Variants in TTC39B observed in about 807,000 individuals in gnomAD.
TTC39B encodes tetratricopeptide repeat domain 39B.
Under a neutral mutation model 96.6 loss-of-function variants are expected in TTC39B, and 92 were observed. The observed-to-expected ratio is 0.95, with a 90% CI of 0.80 to 1.13. The LOEUF (loss-of-function observed/expected upper bound fraction) is 1.13, where lower values mean the gene tolerates loss of function less well. Among genes scored for constraint, TTC39B ranks in the 50% most tolerant of loss-of-function variants. The pLI is 0.00. For missense variants in TTC39B, 955 were observed against 809.3 expected (o/e 1.18, Z -2.18); for synonymous variants, 367 against 299.4 (o/e 1.23, Z -2.33).
chr9:15,209,436 A>C (rs1820061952), intron 6 of TTC39B, among the ~76,000 whole-genome samples: 1 of 152,240 alleles, frequency 6.6e-6, no homozygotes, highest in African/African-American at 2.4e-5. Flanking sequence ...AAAAGATATC[A>C]AAATTACTTT....
Position 15,209,645 on chromosome 9 carries a change from T to C in TTC39B, c.691+443A>G, listed in dbSNP as rs542225324. On this transcript the variant is annotated intron_variant, in intron 6 of 19. Coordinates refer to ENST00000512701, the Ensembl canonical transcript of TTC39B. ...ACTTTTTAAAATGCATGAATCCATATGTATAAGGATTCTAGGACACCATTA... is the reference window on the plus strand; with the variant it reads ...ACTTTTTAAAATGCATGAATCCATACGTATAAGGATTCTAGGACACCATTA... 2.0e-5 allele frequency among the ~76,000 whole-genome samples: 3 copies of C among 152,312 alleles called. No homozygotes were observed. The East Asian group carries it at 5.8e-4, about 29-fold the overall frequency.
chr9:15,216,250 C>A (rs1414376330), intron 3 of TTC39B, among the ~76,000 whole-genome samples: 2 of 152,286 alleles, frequency 1.3e-5, no homozygotes, highest in South Asian at 2.1e-4. Context: ...TTGTTTTAGT[C>A]ATTCCTGTGC....
rs112817207 is a variant in TTC39B, at chr9:15,190,477, T to C, written c.1105+77A>G. The C allele has an allele frequency of 5.2e-3, 6,832 of 1,317,838 alleles. 275 individuals carry two copies. The African/African-American group carries it at 0.086, about 17-fold the overall frequency. 81.6% of individuals were successfully genotyped at this position (1,317,838 alleles called of 1,614,324 possible). ...CCTCCCACCTCAGCCTCCCAAGTAG[T>C]TGGGATTACAGGTGTAACACACCAT... is the stretch of plus-strand genomic sequence containing the variant. On this transcript the variant is annotated intron_variant, in intron 11 of 19. Coordinates refer to ENST00000512701, the Ensembl canonical transcript of TTC39B.
intron 8 of TTC39B, among the ~76,000 whole-genome samples, chr9:15,195,604 A>G (rs1474389519): frequency 7.2e-6 from 1 of 139,800 alleles, no homozygotes; most frequent in Non-Finnish European, 1.5e-5. Context: ...TGGGAGACGC[A>G]GGTTGCAGTG....
intron 4 of TTC39B, among the ~76,000 whole-genome samples, chr9:15,213,330 G>A (rs530475730): frequency 2.0e-5 from 3 of 152,104 alleles, no homozygotes; most frequent in South Asian, 2.1e-4. Flanking sequence ...AGACTACAGG[G>A]CTTCATTATC....
intron 10 of TTC39B, 71 bp from the exon 11 acceptor site, chr9:15,190,733 T>C: frequency 1.6e-6 from 2 of 1,226,320 alleles, no homozygotes; most frequent in South Asian, 1.3e-5. Flanking sequence ...TTTTTAAACA[T>C]TTTTATATAT....
intron 2 of TTC39B, among the ~76,000 whole-genome samples, chr9:15,234,688 A>T (rs1821684214): frequency 6.6e-6 from 1 of 151,990 alleles, no homozygotes; most frequent in South Asian, 2.1e-4. Context: ...TGTACTAAGA[A>T]AAATTCTTCT....
intron 2 of TTC39B, among the ~76,000 whole-genome samples, chr9:15,263,241 T>C (rs969262256): frequency 1.3e-5 from 2 of 152,178 alleles, no homozygotes; most frequent in African/African-American, 4.8e-5. Flanking sequence ...CCCACACTCT[T>C]ACAAGGGAGA....
exon 20 of TTC39B, chr9:15,164,917 C>G (rs915481750): frequency 2.6e-5 from 4 of 152,100 alleles, no homozygotes; most frequent in African/African-American, 9.7e-5. Flanking sequence ...TAAATTTAAC[C>G]AACAGCCTAA....
At chr9:15,242,962 G>A (rs948539589) in intron 2 of TTC39B, among the ~76,000 whole-genome samples, 1 of 152,306 alleles carries the variant, frequency 6.6e-6, no homozygotes, top group Admixed American at 6.5e-5. Context: ...GAACCTGTGG[G>A]CCAACCAATG....
chr9:15,226,379 T>C (rs1586913807), intron 2 of TTC39B, among the ~76,000 whole-genome samples: 1 of 152,344 alleles, frequency 6.6e-6, no homozygotes, highest in East Asian at 1.9e-4. Flanking sequence ...TGGGTTATGG[T>C]ATACAGTATA....
At chr9:15,194,438 C>A (rs902551837) in intron 8 of TTC39B, among the ~76,000 whole-genome samples, 1 of 152,028 alleles carries the variant, frequency 6.6e-6, no homozygotes, top group Non-Finnish European at 1.5e-5. Flanking sequence ...TTTGAATTCC[C>A]AGGTAAGTAT....
At chr9:15,267,191 G>A (rs1212932272) in intron 2 of TTC39B, among the ~76,000 whole-genome samples, 1 of 152,212 alleles carries the variant, frequency 6.6e-6, no homozygotes, top group Non-Finnish European at 1.5e-5. Context: ...TCCCAACCAT[G>A]CTGGCACCCT....
At chr9:15,246,157 G>A (rs147629161) in intron 2 of TTC39B, among the ~76,000 whole-genome samples, 1 of 152,172 alleles carries the variant, frequency 6.6e-6, no homozygotes, top group Admixed American at 6.5e-5. Flanking sequence ...GGAGTCTGAG[G>A]CAGGAGAATT....
chr9:15,284,870 G>A (rs1030836383), intron 1 of TTC39B, among the ~76,000 whole-genome samples: 16 of 152,114 alleles, frequency 1.1e-4, no homozygotes, highest in Admixed American at 3.3e-4. Flanking sequence ...ATTAAAAAGG[G>A]TAAAGTATTA....
At chr9:15,258,959 T>G (rs1294787365) in intron 2 of TTC39B, among the ~76,000 whole-genome samples, 9 of 152,148 alleles carry the variant, frequency 5.9e-5, no homozygotes, top group African/African-American at 2.2e-4. Context: ...CCCTGTGAAT[T>G]TATATGAAGA....
rs536164802 is a variant in TTC39B at position 15,243,217 on chromosome 9, G to C, written c.276-17205C>G. ...GATATAAGCCTGATACAGAGTTTAA[G>C]TTTTTACTTAACTGGGCATTTACCC... On this transcript the variant is annotated intron_variant, in intron 2 of 19. Transcript: ENST00000512701. Among the ~76,000 whole-genome samples the C allele has an allele frequency of 9.3e-4, 141 of 152,332 alleles. 1 individual carries two copies. Among genetic ancestry groups the C allele is most frequent in the African/African-American group, 3.1e-3 (130 of 41,582 alleles).
Position 15,306,958 on chromosome 9 carries a change from C to T in TTC39B, c.240+126G>A. 1 of 1,413,996 alleles carries T rather than the reference C, an allele frequency of 7.1e-7. No homozygotes were observed. Among genetic ancestry groups the T allele is most frequent in the Non-Finnish European group, 9.5e-7 (1 of 1,058,172 alleles). 87.6% of individuals were successfully genotyped at this position (1,413,996 alleles called of 1,614,324 possible). On this transcript the variant is annotated intron_variant, in intron 1 of 19. Coordinates refer to ENST00000512701, the Ensembl canonical transcript of TTC39B. This position sits in a 1 kb window ranked among gnomAD's most constrained non-coding sequence, Gnocchi z 5.1. The stretch of plus-strand genomic sequence containing the variant: ...GCCGGGCGCCCCCACCCGGCGCCCG[C>T]CAGCCCACCCCAGAGAGGGGACCAA...
chr9:15,298,213 C>A (rs538338310), intron 1 of TTC39B, among the ~76,000 whole-genome samples: 20 of 152,274 alleles, frequency 1.3e-4, no homozygotes, highest in Admixed American at 1.2e-3. Context: ...GGTTCTGAAG[C>A]CTTCATCCTC....
Sources: gnomAD v4.1 joint callset for allele counts (sites outside exome capture counted in the v4.1 genomes callset) on GRCh38, gnomAD v4.1.1 for gene constraint, Gnocchi (gnomAD v3.1) non-coding constraint, MANE v1.5 for transcripts, NCBI Gene and HGNC (gene_info 2026-07-23, HGNC 2026-07-21) for gene names.